NLGN2: variants seen among roughly 807,000 people sequenced by gnomAD.
NLGN2 encodes the protein neuroligin 2.
In NLGN2, 11 loss-of-function variants were observed where a neutral mutation model predicts 48.6. That is an observed-to-expected ratio of 0.23 (90% CI 0.14 to 0.37). NLGN2 has a LOEUF of 0.37. NLGN2 is among the 10% of genes least tolerant of loss of function. The pLI is 1.00. For missense variants in NLGN2, 801 were observed against 1,225.2 expected (o/e 0.65, Z 5.17); for synonymous variants, 548 against 550.0 (o/e 1.00, Z 0.05).
At chr17:7,405,378 T>G (rs2150808536), upstream of NLGN2, 1 of 152,308 alleles carries the variant, frequency 6.6e-6, no homozygotes, top group East Asian at 2.0e-4. This position sits in a 1 kb window ranked among gnomAD's most constrained non-coding sequence, Gnocchi z 6.8. Flanking sequence ...TTCCCTGTTC[T>G]CGGGCTCCCC....
rs967129224 is a variant in NLGN2, at chr17:7,416,979, A to G, written c.1688A>G (p.Asn563Ser). ...ACCAAGTTCATCCACACCAAGCCCA[A>G]TCGCTTCGAGGAGGTGGTGTGGAGC... ...QDTKFIHTKP[N>S]RFEEVVWSKF... is the part of the protein sequence containing the mutation. The change falls in exon 7 of 7, where the codon AAT (asparagine) becomes AGT (serine). Residue 563 changes from asparagine (N) to serine (S), a missense_variant. By Grantham distance (46) the Asn-to-Ser change is conservative. Coordinates refer to ENST00000302926, the MANE Select transcript of NLGN2 (RefSeq NM_020795.4). 11 of 1,613,936 alleles carry G rather than the reference A, an allele frequency of 6.8e-6. No homozygotes were observed. The highest frequency in any genetic ancestry group is 4.0e-5 in the African/African-American group (3 of 74,902).
chr17:7,417,976 C>T lies in NLGN2; in HGVS notation c.*177C>T. On this transcript the variant is annotated 3_prime_UTR_variant, in exon 7 of 7. Coordinates refer to ENST00000302926, the MANE Select transcript of NLGN2 (RefSeq NM_020795.4). The stretch of plus-strand genomic sequence containing the variant: ...CGTGTCTTTCCCACGCAGAGAAGCC[C>T]AGTCTCTTCTCTGGATCTGGGCCTT... 2.1e-6 allele frequency: 1 copy of T among 483,354 alleles called. No homozygotes were observed. 29.9% of individuals were successfully genotyped at this position (483,354 alleles called of 1,614,324 possible).
chr17:7,411,633 T>C lies in NLGN2; in HGVS notation c.458-524T>C, dbSNP rs1906898035. On this transcript the variant is annotated intron_variant, in intron 1 of 6. Coordinates refer to ENST00000302926, the MANE Select transcript of NLGN2 (RefSeq NM_020795.4). This position sits in a 1 kb window ranked among gnomAD's most constrained non-coding sequence, Gnocchi z 4.5. ...GTCCAGAGGGAAGCAGAGTCTTTTC[T>C]GCGGCAGTCTCTCCTCCCTACAGCC... 6.6e-6 allele frequency among the ~76,000 whole-genome samples: 1 copy of C among 152,188 alleles called. No individual in the cohort carries two copies.
At position 7,415,728 on chromosome 17, in the gene NLGN2, G is replaced by A; in HGVS notation, c.1255G>A (p.Gly419Ser). 6.2e-7 allele frequency: 1 copy of A among 1,614,246 alleles called. No homozygotes were observed. The highest frequency in any genetic ancestry group is 2.2e-5 in the East Asian group (1 of 44,890). The change falls in exon 6 of 7, where the codon GGC (glycine) becomes AGC (serine). Residue 419 changes from glycine (G) to serine (S), a missense_variant. Coordinates refer to ENST00000302926, the MANE Select transcript of NLGN2 (RefSeq NM_020795.4). ...CTCCAACTTTGTGGACAACCTGTAT[G>A]GCTACCCGGAAGGCAAGGATGTGCT... is the stretch of plus-strand genomic sequence containing the variant. ...TVSNFVDNLY[G>S]YPEGKDVLRE... is the part of the protein sequence containing the mutation.
At chr17:7,416,863 C>G in intron 6 of NLGN2, 63 bp from the exon 7 acceptor site, 1 of 1,589,518 alleles carries the variant, frequency 6.3e-7, no homozygotes, top group Admixed American at 1.8e-5. Context: ...CTGCCCACTG[C>G]CATCCACCCT....
At chr17:7,415,486 T>C (rs1393936240) in intron 5 of NLGN2, 25 bp from the exon 6 acceptor site, 1 of 1,598,860 alleles carries the variant, frequency 6.3e-7, no homozygotes. Flanking sequence ...GAGCAGGTGG[T>C]GAGACCCTGA....
chr17:7,406,653 C>CGGT (rs1906653819), upstream of NLGN2, among the ~76,000 whole-genome samples: 1 of 90,164 alleles, frequency 1.1e-5, no homozygotes, highest in Non-Finnish European at 2.2e-5. Context: ...GGTGGGGGGG[C>CGGT]GGGGGGGGGG....
intron 2 of NLGN2, among the ~76,000 whole-genome samples, chr17:7,412,893 TTTTCTTTC>T (rs571146872): frequency 9.6e-6 from 1 of 103,730 alleles, no homozygotes; most frequent in African/African-American, 2.8e-5. Flanking sequence ...TTGGTTGTTT[TTTTCTTTC>T]TTTCTTTCTT....
intron 6 of NLGN2, 23 bp downstream of exon 6, chr17:7,416,130 G>A (rs974549564): frequency 2.7e-6 from 4 of 1,483,386 alleles, no homozygotes; most frequent in African/African-American, 2.8e-5. Context: ...GGGGCTGGGC[G>A]GGGCTGGGCG....
intron 1 of NLGN2, among the ~76,000 whole-genome samples, chr17:7,410,307 C>T (rs1906827905): frequency 6.6e-6 from 1 of 151,786 alleles, no homozygotes; most frequent in Non-Finnish European, 1.5e-5. Context: ...TAAACCACGC[C>T]TCCCCACAAC....
chr17:7,407,974 A>G lies in NLGN2; in HGVS notation c.-282A>G. On this transcript the variant is annotated 5_prime_UTR_variant, in exon 1 of 7. Coordinates refer to ENST00000302926, the MANE Select transcript of NLGN2 (RefSeq NM_020795.4). ...TTTTTCTGTCTGTCCGTCTGTCTGT[A>G]TCCTGCCTCCCTGCCCCTCTCGCTC... 1 of 294,320 alleles carries G rather than the reference A, an allele frequency of 3.4e-6. No individual in the cohort carries two copies. Among genetic ancestry groups the G allele is most frequent in the Non-Finnish European group, 6.3e-6 (1 of 159,316 alleles). 18.2% of individuals were successfully genotyped at this position (294,320 alleles called of 1,614,324 possible). A position where few individuals can be genotyped will look rare whatever the true frequency, so the allele number is the denominator to read the frequency against.
upstream of NLGN2, among the ~76,000 whole-genome samples, chr17:7,406,856 G>A (rs1261530513): frequency 6.6e-6 from 1 of 152,126 alleles, no homozygotes. Context: ...GGTCACAATG[G>A]CTTGCAAAGA....
At chr17:7,412,775 T>C (rs1906950705) in intron 2 of NLGN2, among the ~76,000 whole-genome samples, 1 of 151,822 alleles carries the variant, frequency 6.6e-6, no homozygotes, top group South Asian at 2.1e-4. Context: ...CACCACAAAA[T>C]TTTGAAAAAA....
At position 7,416,175 on chromosome 17, in the gene NLGN2, TG is replaced by T. The variant is rs1332373016; in HGVS notation, c.1634+69del. The T allele has an allele frequency of 2.3e-6, 3 of 1,295,010 alleles. No individual in the cohort carries two copies. In the African/African-American group the frequency reaches 4.4e-5, roughly 19 times the overall value. The allele number at this position is 1,295,010 out of a possible 1,614,324, so 80.2% of individuals were successfully genotyped here. A position where few individuals can be genotyped will look rare whatever the true frequency, so the allele number is the denominator to read the frequency against. ...CTCCTTCACATGGCCGCCGTTCCTC[TG>T]TTAAGGCACTCACTCTGGCCTGCCC... On this transcript the variant is annotated intron_variant, in intron 6 of 6. Transcript: ENST00000302926.
intron 2 of NLGN2, 79 bp from the exon 3 acceptor site, chr17:7,414,265 G>C (rs1256862797): frequency 3.7e-6 from 5 of 1,365,246 alleles, no homozygotes; most frequent in Non-Finnish European, 5.1e-6. Flanking sequence ...AGGCCTGGGA[G>C]CTGGGCGCTG....
At position 7,415,137 on chromosome 17, in the gene NLGN2, G is replaced by A; in HGVS notation, c.1026G>A (p.Val342=). Residue 342 remains valine, a synonymous_variant, in exon 5 of 7, where the codon GTG becomes GTA. Coordinates refer to ENST00000302926, the MANE Select transcript of NLGN2 (RefSeq NM_020795.4). ...CCCGGGAGCTGGTGGACCAGGACGT[G>A]CAGCCTGCCCGGTATGGGGTGGGAG... The part of the protein sequence containing the change: ...KPSRELVDQD[V]QPARYHIAFG... The A allele has an allele frequency of 2.5e-6, 4 of 1,599,662 alleles. No homozygotes were observed. The highest frequency in any genetic ancestry group is 1.1e-5 in the South Asian group (1 of 89,628).
intron 6 of NLGN2, among the ~76,000 whole-genome samples, chr17:7,416,338 G>A (rs1008946979): frequency 6.6e-6 from 1 of 151,888 alleles, no homozygotes; most frequent in Admixed American, 6.6e-5. Flanking sequence ...TTGGCTTGGC[G>A]TCTGTCTCTC....
In NLGN2 at chr17:7,417,856, C is replaced by A; in HGVS notation, c.*57C>A. 7.4e-7 allele frequency: 1 copy of A among 1,345,630 alleles called. No homozygotes were observed. Among genetic ancestry groups the A allele is most frequent in the Non-Finnish European group, 9.5e-7 (1 of 1,054,798 alleles). The allele number at this position is 1,345,630 out of a possible 1,614,324, so 83.4% of individuals were successfully genotyped here. ...CTCCCTGGCCCGGCCACTCCGAAGG[C>A]AGGGAGGAGGACTTGGCAACTGGCT... On this transcript the variant is annotated 3_prime_UTR_variant, in exon 7 of 7. Transcript: ENST00000302926.
Position 7,417,100 on chromosome 17 carries a change from G to A in NLGN2, c.1809G>A (p.Glu603=). The change falls in exon 7 of 7, where the codon GAG becomes GAA. Residue 603 remains glutamate, a synonymous_variant. Transcript: ENST00000302926. ...YRANKVAFWL[E]LVPHLHNLHT... ...CCAACAAGGTGGCCTTCTGGCTGGA[G>A]CTCGTGCCCCACCTGCACAACCTGC... 1 of 1,613,236 alleles carries A rather than the reference G, an allele frequency of 6.2e-7. No homozygotes were observed.
Sources: allele counts gnomAD v4.1 joint callset (sites outside exome capture counted in the v4.1 genomes callset), GRCh38; gene constraint gnomAD v4.1.1; non-coding constraint Gnocchi (gnomAD v3.1); transcripts MANE v1.5; gene names NCBI Gene and HGNC (gene_info 2026-07-23, HGNC 2026-07-21).